The following SVIL variants were observed in gnomAD, a reference collection of about 807,000 sequenced individuals.
The protein encoded by SVIL is archvillin.
In SVIL, 101 loss-of-function variants were observed where a neutral mutation model predicts 240.4. The observed-to-expected ratio is 0.42, with a 90% CI of 0.36 to 0.50. The LOEUF (loss-of-function observed/expected upper bound fraction) is 0.50, where lower values mean the gene tolerates loss of function less well. Among genes scored for constraint, SVIL ranks in the 20% least tolerant of loss-of-function variants. SVIL has a pLI of 0.01. For missense variants in SVIL, 2,512 were observed against 2,818.7 expected (o/e 0.89, Z 2.46); for synonymous variants, 999 against 1,100.0 (o/e 0.91, Z 1.82).
chr10:29,644,121 A>C, intron 3 of SVIL: 1 of 444,340 alleles, frequency 2.3e-6, no homozygotes, highest in South Asian at 1.6e-5. Context: ...CACTGCACGA[A>C]CAGAACCATG....
chr10:29,514,340 G>C (rs1194882206), intron 16 of SVIL, among the ~76,000 whole-genome samples: 1 of 151,386 alleles, frequency 6.6e-6, no homozygotes, highest in Admixed American at 6.6e-5. Context: ...GGGCTCAAGC[G>C]ACAATCCTGC....
At chr10:29,507,482 CAT>C (rs200662792) in intron 17 of SVIL, among the ~76,000 whole-genome samples, 1,760 of 152,128 alleles carry the variant, frequency 0.012, 32 homozygotes, top group African/African-American at 0.039. Context: ...TAAACACACA[CAT>C]ACGTACACAC....
chr10:29,565,379 G>A (rs959605254), intron 2 of SVIL, among the ~76,000 whole-genome samples: 1 of 152,218 alleles, frequency 6.6e-6, no homozygotes, highest in African/African-American at 2.4e-5. Flanking sequence ...CATGTGAAGT[G>A]CAGCCTTTTG....
Position 29,480,628 on chromosome 10 carries a change from G to A in SVIL, c.5286C>T (p.Phe1762=), listed in dbSNP as rs769930737. Residue 1762 remains phenylalanine, a synonymous_variant, in exon 29 of 38, where the codon TTC becomes TTT. Transcript: ENST00000355867. The stretch of plus-strand genomic sequence containing the variant: ...TTTGTTTGGGGAGCCTGCTATAGTC[G>A]AATTCCAGGATGTGCCAGACATCCA... The part of the protein sequence containing the change: ...VSVDVWHILE[F]DYSRLPKQSI... The A allele has an allele frequency of 1.9e-5, 31 of 1,614,058 alleles. No homozygotes were observed. Among genetic ancestry groups the A allele is most frequent in the Non-Finnish European group, 1.2e-5 (14 of 1,180,040 alleles).
At chr10:29,494,777 A>G in intron 20 of SVIL, 137 bp downstream of exon 20, 1 of 795,592 alleles carries the variant, frequency 1.3e-6, no homozygotes, top group Admixed American at 2.3e-5. Context: ...CCAATTTAGT[A>G]CGTTATCAAG....
At chr10:29,661,799 T>C (rs1959166727) in intron 2 of SVIL, among the ~76,000 whole-genome samples, 1 of 152,220 alleles carries the variant, frequency 6.6e-6, no homozygotes, top group African/African-American at 2.4e-5. Context: ...ATTTTCATTT[T>C]CCAAATTCTA....
intron 1 of SVIL, among the ~76,000 whole-genome samples, chr10:29,726,786 A>T (rs559723786): frequency 1.3e-5 from 2 of 152,308 alleles, no homozygotes; most frequent in East Asian, 3.9e-4. Context: ...CAGCATGTCA[A>T]GCCCTCAAAG....
Position 29,532,728 on chromosome 10 carries a change from A to G in SVIL, c.1639T>C (p.Ser547Pro). ...ASKKRKVRTR[S>P]LSDFTGPPQL... ...GGGGGGCCTGTGAAATCTGACAGAGAGCGGGTACGGACCTTGCGCTTTTTC... is the reference window on the plus strand; with the variant it reads ...GGGGGGCCTGTGAAATCTGACAGAGGGCGGGTACGGACCTTGCGCTTTTTC... Residue 547 changes from serine to proline, a missense_variant, in exon 8 of 38, where the codon TCT (serine) becomes CCT (proline). By Grantham distance (74) the Ser-to-Pro change is moderately conservative (BLOSUM62 -1). Transcript: ENST00000355867. 1 of 1,614,068 alleles carries G rather than the reference A, an allele frequency of 6.2e-7. No homozygotes were observed. The highest frequency in any genetic ancestry group is 8.5e-7 in the Non-Finnish European group (1 of 1,180,018).
intron 1 of SVIL, among the ~76,000 whole-genome samples, chr10:29,587,536 A>G (rs1461284357): frequency 6.6e-6 from 1 of 152,188 alleles, no homozygotes; most frequent in African/African-American, 2.4e-5. Flanking sequence ...TTACATAATA[A>G]TAGAAACTTG....
chr10:29,735,571 C>T lies in SVIL; in HGVS notation c.-400+180G>A, dbSNP rs1388483246. On this transcript the variant is annotated intron_variant, in intron 1 of 35. Coordinates refer to the SVIL transcript ENST00000375400. The surrounding 1 kb of genome is among the most constrained non-coding windows in gnomAD (Gnocchi z 4.1). ...CCGTCGCAGCGGCCCGGGCACCCGC[C>T]GGCCTCCACCCCCGGGAGGCGCCCC... 6.6e-6 allele frequency among the ~76,000 whole-genome samples: 1 copy of T among 151,086 alleles called. No homozygotes were observed. The highest frequency in any genetic ancestry group is 6.6e-5 in the Admixed American group (1 of 15,190).
Position 29,523,442 on chromosome 10 carries a change from G to A in SVIL, c.3163+9C>T, listed in dbSNP as rs1950692298. On this transcript the variant is annotated intron_variant, in intron 15 of 37. Coordinates refer to ENST00000355867, the MANE Select transcript of SVIL (RefSeq NM_021738.3). ...GCTTTCTAAAGCTTTAGGGGCACTG[G>A]TCACTTACCTCTTAGTGAAAACTTC... The A allele has an allele frequency of 2.5e-6, 4 of 1,583,790 alleles. No individual in the cohort carries two copies. The highest frequency in any genetic ancestry group is 1.7e-4 in the Middle Eastern group (1 of 5,880).
intron 29 of SVIL, among the ~76,000 whole-genome samples, chr10:29,479,741 G>C (rs1230544432): frequency 6.6e-6 from 1 of 152,218 alleles, no homozygotes; most frequent in Non-Finnish European, 1.5e-5. Context: ...TGTGCTTCCT[G>C]TGGCCCCGGG....
At chr10:29,517,505 C>T (rs374303225) in intron 16 of SVIL, among the ~76,000 whole-genome samples, 1 of 152,222 alleles carries the variant, frequency 6.6e-6, no homozygotes, top group African/African-American at 2.4e-5. Context: ...CTTATTCCTA[C>T]ATAAATCTGG....
chr10:29,558,947 A>ATAT (rs543943520), intron 3 of SVIL, among the ~76,000 whole-genome samples: 3 of 144,854 alleles, frequency 2.1e-5, no homozygotes, highest in Non-Finnish European at 3.0e-5. Context: ...ATATATATAT[A>ATAT]AAAAATATGG....
chr10:29,689,341 C>A (rs11594725), intron 1 of SVIL, among the ~76,000 whole-genome samples: 32,356 of 151,910 alleles, frequency 0.21, 3,684 homozygotes, highest in Admixed American at 0.28. Flanking sequence ...CTGGAGTGCC[C>A]TGGCGCGATC....
intron 1 of SVIL, among the ~76,000 whole-genome samples, chr10:29,633,604 A>G (rs1046324597): frequency 1.3e-5 from 2 of 152,068 alleles, no homozygotes. Context: ...CTGTTTTCCT[A>G]CCTGGTAAAA....
chr10:29,604,732 T>A (rs1956953966), intron 1 of SVIL, among the ~76,000 whole-genome samples: 1 of 151,814 alleles, frequency 6.6e-6, no homozygotes, highest in South Asian at 2.1e-4. Flanking sequence ...GCCCAGCTAA[T>A]CTTTTAAAAA....
intron 6 of SVIL, among the ~76,000 whole-genome samples, chr10:29,538,637 C>T (rs928845114): frequency 2.0e-5 from 3 of 152,210 alleles, no homozygotes; most frequent in Admixed American, 6.5e-5. Context: ...ATGAGGGGAA[C>T]GACCCATCTC....
chr10:29,621,433 A>T (rs2132913848), intron 1 of SVIL, among the ~76,000 whole-genome samples: 1 of 152,376 alleles, frequency 6.6e-6, no homozygotes, highest in South Asian at 2.1e-4. Flanking sequence ...GAGGCACAGC[A>T]GGGGTCCCAC....
Sources: gnomAD v4.1 joint callset for allele counts (sites outside exome capture counted in the v4.1 genomes callset) on GRCh38, gnomAD v4.1.1 for gene constraint, Gnocchi (gnomAD v3.1) non-coding constraint, MANE v1.5 for transcripts, NCBI Gene and HGNC (gene_info 2026-07-23, HGNC 2026-07-21) for gene names.